Variants in TMEM163 observed in about 807,000 individuals in gnomAD.
The protein encoded by TMEM163 is transmembrane protein 163.
In TMEM163, 17 loss-of-function variants were observed where a neutral mutation model predicts 29.3. The ratio of observed to expected loss-of-function variants is 0.58; its 90% CI spans 0.40 to 0.87. The LOEUF (loss-of-function observed/expected upper bound fraction) is 0.87, where lower values mean the gene tolerates loss of function less well. Among genes scored for constraint, TMEM163 ranks in the 40% least tolerant of loss-of-function variants. TMEM163 has a pLI of 0.00. For missense variants in TMEM163, 303 were observed against 381.5 expected (o/e 0.79, Z 1.71); for synonymous variants, 157 against 160.6 (o/e 0.98, Z 0.17).
At chr2:134,654,656 A>T in intron 2 of TMEM163, among the ~76,000 whole-genome samples, 2 of 116,608 alleles carry the variant, frequency 1.7e-5, no homozygotes, top group South Asian at 3.2e-4. Context: ...TGGTCTTTAC[A>T]TTTTTGCATG....
Position 134,598,555 on chromosome 2 carries a change from G to A in TMEM163, c.323-46464C>T, listed in dbSNP as rs114312607. ...ACCTAGGCAGCCTGCTCCGTGGCTCGTGCTTTTAGCCACTAGGCTTTGCTG... is the reference window on the plus strand; with the variant it reads ...ACCTAGGCAGCCTGCTCCGTGGCTCATGCTTTTAGCCACTAGGCTTTGCTG... On this transcript the variant is annotated intron_variant, in intron 2 of 7. Transcript: ENST00000281924. 4.0e-3 allele frequency among the ~76,000 whole-genome samples: 612 copies of A among 152,288 alleles called. 3 individuals carry two copies. The highest frequency in any genetic ancestry group is 9.3e-3 in the South Asian group (45 of 4,832).
chr2:134,565,734 T>G (rs1681287859), intron 2 of TMEM163, among the ~76,000 whole-genome samples: 1 of 152,142 alleles, frequency 6.6e-6, no homozygotes, highest in South Asian at 2.1e-4. Flanking sequence ...TAGAAATGGA[T>G]AAACTGGTGG....
intron 5 of TMEM163, among the ~76,000 whole-genome samples, chr2:134,482,189 G>A (rs979140382): frequency 2.0e-5 from 3 of 152,228 alleles, no homozygotes; most frequent in South Asian, 2.1e-4. Flanking sequence ...ATAAGACAAC[G>A]ATGAGTTGTT....
At chr2:134,532,366 C>G (rs1680434826) in intron 4 of TMEM163, among the ~76,000 whole-genome samples, 1 of 152,212 alleles carries the variant, frequency 6.6e-6, no homozygotes, top group African/African-American at 2.4e-5. Context: ...CTCAGTAAAG[C>G]CTATCTTCTT....
At chr2:134,557,795 G>T (rs1681080866) in intron 2 of TMEM163, among the ~76,000 whole-genome samples, 1 of 152,138 alleles carries the variant, frequency 6.6e-6, no homozygotes, top group African/African-American at 2.4e-5. Context: ...TGTGCACAAA[G>T]AATTTCTTTG....
chr2:134,456,932 T>C (rs1285970703), intron 7 of TMEM163, among the ~76,000 whole-genome samples, 156 bp from the exon 8 acceptor site: 2 of 152,078 alleles, frequency 1.3e-5, no homozygotes, highest in African/African-American at 4.8e-5. Context: ...CCATTTGTGT[T>C]ATCTCAGAAA....
intron 2 of TMEM163, among the ~76,000 whole-genome samples, chr2:134,705,245 C>T (rs779015801): frequency 6.6e-6 from 1 of 151,892 alleles, no homozygotes; most frequent in Non-Finnish European, 1.5e-5. Flanking sequence ...GATGCCCTAA[C>T]CCCCAGTACC....
intron 2 of TMEM163, among the ~76,000 whole-genome samples, chr2:134,700,763 G>A (rs1684681698): frequency 6.6e-6 from 1 of 152,008 alleles, no homozygotes; most frequent in African/African-American, 2.4e-5. Context: ...GCTGGGCGTG[G>A]TGTCAGGTGA....
intron 2 of TMEM163, among the ~76,000 whole-genome samples, chr2:134,577,453 G>A (rs1681581344): frequency 1.3e-5 from 2 of 152,156 alleles, no homozygotes; most frequent in African/African-American, 4.8e-5. Context: ...AATACACAAG[G>A]GTCAGAAGCC....
intron 5 of TMEM163, among the ~76,000 whole-genome samples, chr2:134,498,051 G>A (rs1269166849): frequency 2.0e-5 from 3 of 152,146 alleles, no homozygotes; most frequent in Non-Finnish European, 4.4e-5. Context: ...CTCTACTGCC[G>A]ATTCTCCTAA....
chr2:134,554,448 AGAG>A (rs1309346819), intron 2 of TMEM163, among the ~76,000 whole-genome samples: 1 of 145,312 alleles, frequency 6.9e-6, no homozygotes, highest in Admixed American at 6.8e-5. Context: ...AAAAAAAAAA[AGAG>A]AGAGAGAGAA....
At chr2:134,507,336 CTAAATAAATAAATAAATAAA>C (rs111595849) in intron 4 of TMEM163, among the ~76,000 whole-genome samples, 33 of 149,056 alleles carry the variant, frequency 2.2e-4, no homozygotes, top group South Asian at 1.3e-3. Flanking sequence ...AACTCTACCT[CTAAATAAATAAATAAATAAA>C]TAAATAAATA....
intron 2 of TMEM163, among the ~76,000 whole-genome samples, chr2:134,641,890 T>C (rs1468641437): frequency 2.0e-5 from 3 of 152,138 alleles, no homozygotes; most frequent in Non-Finnish European, 4.4e-5. Flanking sequence ...TGTAAAAAGA[T>C]ATACCATGTC....
chr2:134,456,920 A>G (rs1686410468), intron 7 of TMEM163, 144 bp from the exon 8 acceptor site: 5 of 816,396 alleles, frequency 6.1e-6, no homozygotes, highest in Non-Finnish European at 2.0e-6. Flanking sequence ...TAGTATATTC[A>G]TCCATTTGTG....
intron 2 of TMEM163, among the ~76,000 whole-genome samples, chr2:134,675,534 G>A (rs747976880): frequency 2.2e-4 from 33 of 152,092 alleles, no homozygotes; most frequent in South Asian, 4.1e-4. Flanking sequence ...TCAAGGGACC[G>A]ATATGCTCAG....
intron 4 of TMEM163, among the ~76,000 whole-genome samples, chr2:134,513,005 C>A (rs1679983109): frequency 6.6e-6 from 1 of 152,120 alleles, no homozygotes; most frequent in Admixed American, 6.5e-5. Flanking sequence ...AAGGATGTGG[C>A]AAATGATGAT....
chr2:134,537,604 C>T (rs1020784751), intron 4 of TMEM163, among the ~76,000 whole-genome samples: 2 of 152,144 alleles, frequency 1.3e-5, no homozygotes, highest in African/African-American at 4.8e-5. Context: ...ACATAAACAC[C>T]CAGTTCATAA....
At chr2:134,702,421 G>A (rs1421944386) in intron 2 of TMEM163, among the ~76,000 whole-genome samples, 2 of 152,262 alleles carry the variant, frequency 1.3e-5, no homozygotes, top group Non-Finnish European at 2.9e-5. Flanking sequence ...AAGGTGGGAA[G>A]ACTGCTTGAG....
At chr2:134,584,860 C>G (rs909783373) in intron 2 of TMEM163, among the ~76,000 whole-genome samples, 1 of 152,114 alleles carries the variant, frequency 6.6e-6, no homozygotes, top group African/African-American at 2.4e-5. Context: ...AGCTAAGGAA[C>G]ATGAGGCTCA....
Sources: allele counts gnomAD v4.1 joint callset (sites outside exome capture counted in the v4.1 genomes callset), GRCh38; gene constraint gnomAD v4.1.1; transcripts MANE v1.5; gene names NCBI Gene and HGNC (gene_info 2026-07-23, HGNC 2026-07-21).